Variants in ABCA6 observed in about 807,000 individuals in gnomAD.
ABCA6 encodes ATP binding cassette subfamily A member 6.
In ABCA6, 164 loss-of-function variants were observed where a neutral mutation model predicts 191.2. That is an observed-to-expected ratio of 0.86 (90% CI 0.76 to 0.98). ABCA6 has a LOEUF of 0.98. Ranked by LOEUF, ABCA6 falls within the 50% of genes least tolerant of loss-of-function variation. ABCA6 has a pLI of 0.00. For synonymous variants in ABCA6, 636 were observed against 647.7 expected (o/e 0.98, Z 0.27); for missense variants, 1,958 against 1,894.1 (o/e 1.03, Z -0.63).
At chr17:69,085,519 C>CAAAAA (rs35438104) in intron 31 of ABCA6, 106 bp downstream of exon 31, 35 of 474,572 alleles carry the variant, frequency 7.4e-5, no homozygotes, top group African/African-American at 1.9e-4. Flanking sequence ...TATCCAAAGG[C>CAAAAA]AAAAAAAAAA....
At chr17:69,083,724 A>G (rs1267636161) in intron 34 of ABCA6, among the ~76,000 whole-genome samples, 2 of 152,248 alleles carry the variant, frequency 1.3e-5, no homozygotes, top group Non-Finnish European at 2.9e-5. Context: ...GTATAAAATT[A>G]CCATAACAAA....
Position 69,112,181 on chromosome 17 carries a change from A to G in ABCA6, c.2132+2T>C. On this transcript the variant is annotated splice_donor_variant, in intron 16 of 38. Coordinates refer to ENST00000284425, the MANE Select transcript of ABCA6 (RefSeq NM_080284.3). LOFTEE classifies it high-confidence loss of function. ...AATCCAATCTATTCCCAAAGTCTTTACCTTAGGTGATATCCAAGACCCCAC... is the reference window on the plus strand; with the variant it reads ...AATCCAATCTATTCCCAAAGTCTTTGCCTTAGGTGATATCCAAGACCCCAC... 6.2e-7 allele frequency: 1 copy of G among 1,604,818 alleles called. No individual in the cohort carries two copies. The highest frequency in any genetic ancestry group is 8.5e-7 in the Non-Finnish European group (1 of 1,172,464).
chr17:69,100,530 C>T (rs2073155630), intron 22 of ABCA6, among the ~76,000 whole-genome samples: 1 of 152,126 alleles, frequency 6.6e-6, no homozygotes, highest in African/African-American at 2.4e-5. Context: ...TTCTCATACA[C>T]TTCCACAATC....
At chr17:69,099,891 C>G (rs1310606140) in intron 22 of ABCA6, among the ~76,000 whole-genome samples, 1 of 152,114 alleles carries the variant, frequency 6.6e-6, no homozygotes, top group Non-Finnish European at 1.5e-5. Context: ...TCAGTGAAGC[C>G]AAAACTGAGC....
At chr17:69,105,148 G>A (rs968883918) in intron 20 of ABCA6, 1 of 279,092 alleles carries the variant, frequency 3.6e-6, no homozygotes. Flanking sequence ...GTGTAACAAA[G>A]GGATCTCAAA....
At chr17:69,104,251 A>G (rs1352284156) in intron 20 of ABCA6, 1 of 152,152 alleles carries the variant, frequency 6.6e-6, no homozygotes, top group African/African-American at 2.4e-5. Context: ...AAGTACAGAG[A>G]CAAAATAAAT....
chr17:69,129,607 T>C lies in ABCA6; in HGVS notation c.933+3A>G, dbSNP rs185938923. On this transcript the variant is annotated splice_donor_region_variant and intron_variant, in intron 7 of 38. Coordinates refer to ENST00000284425, the MANE Select transcript of ABCA6 (RefSeq NM_080284.3). ...GAAAGTGGTAATAAATGTATCAACT[T>C]ACCAAAGATAAGCCATATAAAAAAA... 50 of 1,583,776 alleles carry C rather than the reference T, an allele frequency of 3.2e-5. No individual in the cohort carries two copies. The East Asian group carries it at 1.1e-3, about 35-fold the overall frequency.
At chr17:69,114,419 T>A (rs1475325867) in intron 13 of ABCA6, among the ~76,000 whole-genome samples, 11 of 57,096 alleles carry the variant, frequency 1.9e-4, no homozygotes, top group Non-Finnish European at 3.6e-4. Flanking sequence ...TGTTGTGGGG[T>A]GGGGGGAGGG....
chr17:69,115,752 TATAAAA>T (rs1405002283), intron 11 of ABCA6: 2 of 242,544 alleles, frequency 8.2e-6, no homozygotes, highest in East Asian at 1.6e-4. Context: ...CCAAAGAAAA[TATAAAA>T]ATAAAGATTA....
At chr17:69,138,792 C>T (rs1405312650) in intron 2 of ABCA6, among the ~76,000 whole-genome samples, 1 of 148,444 alleles carries the variant, frequency 6.7e-6, no homozygotes, top group Non-Finnish European at 1.5e-5. Flanking sequence ...AATAACGCCG[C>T]ATATCTACAA....
intron 8 of ABCA6, among the ~76,000 whole-genome samples, chr17:69,127,509 A>G (rs2073775777): frequency 6.6e-6 from 1 of 152,136 alleles, no homozygotes; most frequent in African/African-American, 2.4e-5. Context: ...TCCACTAAGC[A>G]TATACAAAGG....
At position 69,083,756 on chromosome 17, in the gene ABCA6, G is replaced by C. The variant is rs115668381; in HGVS notation, c.4356-425C>G. On this transcript the variant is annotated intron_variant, in intron 34 of 38. Transcript: ENST00000284425. ...CAAAGTTTTTGTTAAAGTTGGAAAA[G>C]TATCGGACAGTGACCAATATGAAAC... Among the ~76,000 whole-genome samples, 652 of 152,250 alleles carry C rather than the reference G, an allele frequency of 4.3e-3. 3 individuals are homozygous for C. The highest frequency in any genetic ancestry group is 0.015 in the African/African-American group (620 of 41,550).
Position 69,100,859 on chromosome 17 carries a change from C to A in ABCA6, c.2950G>T (p.Gly984Trp), listed in dbSNP as rs2073164004. The change falls in exon 22 of 39, where the codon GGG (glycine) becomes TGG (tryptophan). Residue 984 changes from glycine (G) to tryptophan (W), a missense_variant. By Grantham distance (184) the Gly-to-Trp change is radical. Transcript: ENST00000284425. ...FPILMNIISN[G>W]LLQMFNHTQH... ...GTGTGATTAAACATTTGAAGTAGCCCATTGCTGATAATATTCATAAGAATT... is the reference window on the plus strand; with the variant it reads ...GTGTGATTAAACATTTGAAGTAGCCAATTGCTGATAATATTCATAAGAATT... 1 of 1,612,314 alleles carries A rather than the reference C, an allele frequency of 6.2e-7. No individual in the cohort carries two copies. Among genetic ancestry groups the A allele is most frequent in the East Asian group, 2.2e-5 (1 of 44,712 alleles).
At position 69,089,944 on chromosome 17, in the gene ABCA6, T is replaced by C. The variant is rs900822496; in HGVS notation, c.3529-402A>G. 5.3e-5 allele frequency among the ~76,000 whole-genome samples: 8 copies of C among 152,282 alleles called. No individual in the cohort carries two copies. In the East Asian group the frequency reaches 1.5e-3, roughly 29 times the overall value. The stretch of plus-strand genomic sequence containing the variant: ...TTCTTAAGTGCCACAGACAAGCCTT[T>C]TCAGAGCCCCTTCTTATCCCAATGG... On this transcript the variant is annotated intron_variant, in intron 26 of 38. Coordinates refer to ENST00000284425, the MANE Select transcript of ABCA6 (RefSeq NM_080284.3).
rs771167668 is a variant in ABCA6 at position 69,085,038 on chromosome 17, C to T, written c.4174G>A (p.Ala1392Thr). 1.8e-5 allele frequency: 29 copies of T among 1,609,232 alleles called. No individual in the cohort carries two copies. The African/African-American group carries it at 1.9e-4, about 10-fold the overall frequency. The change falls in exon 32 of 39, where the codon GCC (alanine) becomes ACC (threonine). Residue 1392 changes from alanine to threonine, a missense_variant. By Grantham distance (58) the Ala-to-Thr change is moderately conservative (BLOSUM62 0). Transcript: ENST00000284425. ...KGLRKADARL[A>T]IARLVSAFKL... is the part of the protein sequence containing the mutation. ...AGGTCCCGTCTGTACCTTGCGATGGCGAGCCTCGCGTCCGCTTTCCTGAGC... is the reference window on the plus strand; with the variant it reads ...AGGTCCCGTCTGTACCTTGCGATGGTGAGCCTCGCGTCCGCTTTCCTGAGC...
chr17:69,113,949 T>C (rs3863518), intron 13 of ABCA6, among the ~76,000 whole-genome samples: 16,971 of 151,950 alleles, frequency 0.11, 3,210 homozygotes, highest in African/African-American at 0.39. Flanking sequence ...AATAGGAACA[T>C]TTTTACACTG....
Position 69,136,212 on chromosome 17 carries a change from C to T in ABCA6, c.340G>A (p.Asp114Asn), listed in dbSNP as rs1288264162. Residue 114 changes from aspartate (D) to asparagine (N), a missense_variant, in exon 4 of 39, where the codon GAC (aspartate) becomes AAC (asparagine). Transcript: ENST00000284425. The stretch of plus-strand genomic sequence containing the variant: ...GGTAAATTTTCCAGAAGTATTTCGT[C>T]CATGTGTGTTTTATTTGGTGCCCCA... ...VIGAPNKTHM[D>N]EILLENLPYA... 1 of 1,590,730 alleles carries T rather than the reference C, an allele frequency of 6.3e-7. No individual in the cohort carries two copies. Among genetic ancestry groups the T allele is most frequent in the Admixed American group, 1.8e-5 (1 of 57,100 alleles).
rs2072930268 is a variant in ABCA6 at position 69,091,814 on chromosome 17, G to A, written c.3409-552C>T. Among the ~76,000 whole-genome samples, 2 of 19,220 alleles carry A rather than the reference G, an allele frequency of 1.0e-4. 1 individual carries two copies. The highest frequency in any genetic ancestry group is 2.5e-4 in the Non-Finnish European group (2 of 7,934). The allele number at this position is 19,220 out of a possible 152,430, so 12.6% of individuals were successfully genotyped here. On this transcript the variant is annotated intron_variant, in intron 25 of 38. Transcript: ENST00000284425. ...TGGGATTACAGGCGTGAGCCACCGC[G>A]CCCGGCCCCAAATAGACTTCTTGAC...
chr17:69,124,541 C>T (rs951131969), intron 9 of ABCA6, among the ~76,000 whole-genome samples: 14 of 151,830 alleles, frequency 9.2e-5, no homozygotes, highest in Admixed American at 6.6e-5. Flanking sequence ...ACCATAAGAA[C>T]TAATTTCTTT....
Sources: allele counts gnomAD v4.1 joint callset (sites outside exome capture counted in the v4.1 genomes callset), GRCh38; gene constraint gnomAD v4.1.1; transcripts MANE v1.5; gene names NCBI Gene and HGNC (gene_info 2026-07-23, HGNC 2026-07-21).